The following CERKL variants were observed in gnomAD, a reference collection of about 807,000 sequenced individuals.
The protein encoded by CERKL is ceramide kinase-like protein.
CERKL carries 61 observed loss-of-function variants against 63.4 expected under a neutral mutation model. The observed-to-expected ratio is 0.96, with a 90% CI of 0.78 to 1.19. The LOEUF is 1.19. CERKL is among the 50% of genes most tolerant of loss of function. The pLI is 0.00. For missense variants in CERKL, 675 were observed against 655.5 expected (o/e 1.03, Z -0.33); for synonymous variants, 250 against 230.5 (o/e 1.08, Z -0.77).
At chr2:181,601,330 T>C in intron 2 of CERKL, among the ~76,000 whole-genome samples, 1 of 152,106 alleles carries the variant, frequency 6.6e-6, no homozygotes, top group Non-Finnish European at 1.5e-5. Flanking sequence ...GAGGCCAAGG[T>C]GGGCAGATTG....
chr2:181,593,338 G>A (rs1685065034), intron 2 of CERKL, among the ~76,000 whole-genome samples: 1 of 152,092 alleles, frequency 6.6e-6, no homozygotes. Flanking sequence ...GGTGGGACAA[G>A]GATAAGTAAG....
intron 1 of CERKL, among the ~76,000 whole-genome samples, chr2:181,652,349 A>C (rs1205535167): frequency 2.6e-5 from 4 of 152,220 alleles, no homozygotes; most frequent in African/African-American, 9.6e-5. Flanking sequence ...TTGCACCTAC[A>C]ACAGCCAACT....
chr2:181,582,065 T>C (rs995211882), intron 2 of CERKL, among the ~76,000 whole-genome samples: 1 of 152,228 alleles, frequency 6.6e-6, no homozygotes, highest in Non-Finnish European at 1.5e-5. Flanking sequence ...TTCCACCTCA[T>C]ACATCTTTGT....
intron 11 of CERKL, among the ~76,000 whole-genome samples, chr2:181,540,008 T>A (rs1362383653): frequency 6.6e-6 from 1 of 152,204 alleles, no homozygotes; most frequent in East Asian, 1.9e-4. Flanking sequence ...CATTCCTAAT[T>A]AAACATCATC....
rs575372026 is a variant in CERKL, at chr2:181,557,053, T to G, written c.820+1513A>C. ...TGCATAAATGTCTTCTTTTGAGAAG[T>G]GTCTGTTCATATCCTTCGCCCACTT... is the stretch of plus-strand genomic sequence containing the variant. On this transcript the variant is annotated intron_variant, in intron 5 of 12. Transcript: ENST00000410087. 2.0e-5 allele frequency among the ~76,000 whole-genome samples: 3 copies of G among 152,346 alleles called. No homozygotes were observed. The East Asian group carries it at 5.8e-4, about 29-fold the overall frequency.
chr2:181,594,309 G>A (rs186736390), intron 2 of CERKL, among the ~76,000 whole-genome samples: 1 of 152,314 alleles, frequency 6.6e-6, no homozygotes, highest in East Asian at 1.9e-4. Context: ...AAGTGATGAT[G>A]TTTTCTATCA....
chr2:181,537,683 ATATTGATGTAT>A lies in CERKL; in HGVS notation c.*490_*500del, dbSNP rs1687221925. 1 of 432,758 alleles carries A rather than the reference ATATTGATGTAT, an allele frequency of 2.3e-6. No individual in the cohort carries two copies. The highest frequency in any genetic ancestry group is 4.6e-6 in the Non-Finnish European group (1 of 218,858). The allele number at this position is 432,758 out of a possible 1,614,324, so 26.8% of individuals were successfully genotyped here. A position where few individuals can be genotyped will look rare whatever the true frequency, so the allele number is the denominator to read the frequency against. ...ATTATTTCAGAATTATCTAGGTTAA[ATATTGATGTAT>A]TATGATGGTTGCAAAGTTTTTTTGT... On this transcript the variant is annotated 3_prime_UTR_variant, in exon 13 of 13. Coordinates refer to ENST00000410087, the MANE Select transcript of CERKL (RefSeq NM_201548.5).
chr2:181,655,124 C>A (rs569115442), intron 1 of CERKL, among the ~76,000 whole-genome samples: 12 of 152,268 alleles, frequency 7.9e-5, no homozygotes, highest in African/African-American at 2.9e-4. Flanking sequence ...GGTTTTAGGG[C>A]ATAATTAAAC....
At chr2:181,612,319 A>G (rs189612924) in intron 1 of CERKL, among the ~76,000 whole-genome samples, 2 of 152,292 alleles carry the variant, frequency 1.3e-5, no homozygotes, top group Admixed American at 1.3e-4. Context: ...GTAAGGGCAT[A>G]ATTCCATGAG....
At chr2:181,562,395 C>T (rs957427277) in intron 4 of CERKL, among the ~76,000 whole-genome samples, 2 of 152,114 alleles carry the variant, frequency 1.3e-5, no homozygotes, top group Non-Finnish European at 2.9e-5. Context: ...TCTCAGGACC[C>T]CCCTGGGGTT....
At chr2:181,603,639 T>C in intron 2 of CERKL, 198 bp downstream of exon 2, 1 of 659,032 alleles carries the variant, frequency 1.5e-6, no homozygotes, top group South Asian at 1.5e-5. Context: ...ATTAACAGGA[T>C]GTAGGGAAAA....
Position 181,548,792 on chromosome 2 carries a change from A to G in CERKL, c.961T>C (p.Ser321Pro), listed in dbSNP as rs1273351767. The G allele has an allele frequency of 3.1e-6, 5 of 1,613,972 alleles. No individual in the cohort carries two copies. The highest frequency in any genetic ancestry group is 4.2e-6 in the Non-Finnish European group (5 of 1,179,980). ...TAGKLLRFGF[S>P]AMFGFGGRTL... Reference sequence around the variant, plus strand: ...CTTCCACCAAAGCCAAACATGGCTGAGAACCCAAAGCGAAGAAGCTTGCCA... The same window carrying G: ...CTTCCACCAAAGCCAAACATGGCTGGGAACCCAAAGCGAAGAAGCTTGCCA... Residue 321 changes from serine to proline, a missense_variant, in exon 7 of 13, where the codon TCA (serine) becomes CCA (proline). By Grantham distance (74) the Ser-to-Pro change is moderately conservative (BLOSUM62 -1). Coordinates refer to ENST00000410087, the MANE Select transcript of CERKL (RefSeq NM_201548.5).
At chr2:181,575,678 G>A (rs1313281260) in intron 2 of CERKL, among the ~76,000 whole-genome samples, 3 of 152,152 alleles carry the variant, frequency 2.0e-5, no homozygotes, top group African/African-American at 7.2e-5. Flanking sequence ...ATTTTAGGCA[G>A]TGAGAGCTGC....
At chr2:181,538,739 A>G (rs1687335550) in intron 12 of CERKL, among the ~76,000 whole-genome samples, 1 of 152,126 alleles carries the variant, frequency 6.6e-6, no homozygotes, top group South Asian at 2.1e-4. Context: ...AAAATCTAAC[A>G]CTTTACTATT....
intron 1 of CERKL, among the ~76,000 whole-genome samples, chr2:181,621,470 C>A (rs555252617): frequency 4.6e-5 from 7 of 152,032 alleles, no homozygotes; most frequent in Non-Finnish European, 5.9e-5. Flanking sequence ...ATTGAAAAAG[C>A]CTTAAATTGA....
At chr2:181,538,762 C>T (rs989146099) in intron 12 of CERKL, among the ~76,000 whole-genome samples, 1 of 152,090 alleles carries the variant, frequency 6.6e-6, no homozygotes, top group Non-Finnish European at 1.5e-5. Flanking sequence ...GATGGCTCCA[C>T]TAAAAGATTT....
chr2:181,582,664 T>C (rs1396443240), intron 2 of CERKL, among the ~76,000 whole-genome samples: 1 of 151,766 alleles, frequency 6.6e-6, no homozygotes, highest in Non-Finnish European at 1.5e-5. Flanking sequence ...GCCTCCCAAG[T>C]AGCTGGGATT....
intron 4 of CERKL, among the ~76,000 whole-genome samples, chr2:181,561,520 T>C (rs1200424022): frequency 6.6e-6 from 1 of 151,864 alleles, no homozygotes; most frequent in Non-Finnish European, 1.5e-5. Flanking sequence ...TAGCAGGCCC[T>C]AGAGGAAATC....
chr2:181,649,256 T>C (rs1687799815), intron 1 of CERKL, among the ~76,000 whole-genome samples: 1 of 152,170 alleles, frequency 6.6e-6, no homozygotes, highest in Admixed American at 6.5e-5. Context: ...GGAGTAGCAA[T>C]ACTCATATCA....
Sources: allele counts gnomAD v4.1 joint callset (sites outside exome capture counted in the v4.1 genomes callset), GRCh38; gene constraint gnomAD v4.1.1; transcripts MANE v1.5; gene names NCBI Gene and HGNC (gene_info 2026-07-23, HGNC 2026-07-21).